CACNA1E: variants seen among roughly 807,000 people sequenced by gnomAD.
CACNA1E encodes the protein calcium voltage-gated channel subunit alpha1 E, also known as voltage-dependent R-type calcium channel subunit alpha-1E.
In CACNA1E, 40 loss-of-function variants were observed where a neutral mutation model predicts 259.2. That is an observed-to-expected ratio of 0.15 (90% confidence interval 0.12 to 0.20). CACNA1E has a LOEUF of 0.20. CACNA1E is among the 10% of genes least tolerant of loss of function. The pLI is 1.00. For synonymous variants in CACNA1E, 1,104 were observed against 1,138.5 expected (o/e 0.97, Z 0.61); for missense variants, 1,874 against 3,040.1 (o/e 0.62, Z 9.02).
At chr1:181,540,706 C>T (rs1668517136) in intron 3 of CACNA1E, among the ~76,000 whole-genome samples, 1 of 152,310 alleles carries the variant, frequency 6.6e-6, no homozygotes, top group African/African-American at 2.4e-5. Context: ...ATGGACCTCG[C>T]AAAGTCTCCC....
At chr1:181,477,828 C>G (rs1379464590) in intron 2 of CACNA1E, among the ~76,000 whole-genome samples, 1 of 152,190 alleles carries the variant, frequency 6.6e-6, no homozygotes, top group Non-Finnish European at 1.5e-5. Context: ...GTGCAAGGTA[C>G]TGATCTAAGA....
intron 2 of CACNA1E, among the ~76,000 whole-genome samples, chr1:181,434,453 G>A (rs1346847675): frequency 6.6e-6 from 1 of 151,008 alleles, no homozygotes; most frequent in Non-Finnish European, 1.5e-5. Flanking sequence ...ACAAGTGTCT[G>A]ATCTCATGGA....
At chr1:181,795,209 T>C in intron 46 of CACNA1E, among the ~76,000 whole-genome samples, 165 bp downstream of exon 46, 1 of 152,206 alleles carries the variant, frequency 6.6e-6, no homozygotes, top group Non-Finnish European at 1.5e-5. Context: ...CTGACTTACA[T>C]CCTGAAACAG....
chr1:181,410,938 G>A (rs1367061482), intron 1 of CACNA1E, among the ~76,000 whole-genome samples: 2 of 152,232 alleles, frequency 1.3e-5, no homozygotes, highest in African/African-American at 2.4e-5. Flanking sequence ...TTTCTGGGAG[G>A]ATGCCACCCT....
intron 25 of CACNA1E, among the ~76,000 whole-genome samples, chr1:181,741,277 C>G (rs1656546840): frequency 6.6e-6 from 1 of 152,194 alleles, no homozygotes; most frequent in East Asian, 1.9e-4. Flanking sequence ...ATCCCAGCCC[C>G]TCTACTTTCC....
rs1378877596 is a variant in CACNA1E, at chr1:181,736,388, G to A, written c.3376G>A (p.Ala1126Thr). Residue 1126 changes from alanine to threonine, a missense_variant, in exon 22 of 48, where the codon GCC becomes ACC. Coordinates refer to ENST00000367573, the MANE Select transcript of CACNA1E (RefSeq NM_001205293.3). ...QKKEKRETGK[A>T]MVPHSSMFIF... ...GAAGGAGAAGCGTGAGACAGGCAAA[G>A]CCATGGTGCCCCACAGCTCAATGTT... 15 of 1,612,516 alleles carry A rather than the reference G, an allele frequency of 9.3e-6. No individual in the cohort carries two copies. Among genetic ancestry groups the A allele is most frequent in the African/African-American group, 2.7e-5 (2 of 74,912 alleles).
chr1:181,577,634 G>A (rs1651103477), intron 3 of CACNA1E, 132 bp from the exon 4 acceptor site: 3 of 537,036 alleles, frequency 5.6e-6, no homozygotes, highest in Non-Finnish European at 1.0e-5. Flanking sequence ...CCAAGCTCAG[G>A]TGCACCCACA....
At chr1:181,358,507 G>T (rs528090280) in intron 1 of CACNA1E, among the ~76,000 whole-genome samples, 4 of 152,286 alleles carry the variant, frequency 2.6e-5, no homozygotes, top group East Asian at 3.9e-4. Context: ...TTGCAGGAGA[G>T]ATTTTATATT....
chr1:181,343,778 T>C (rs1401362417), intron 1 of CACNA1E, among the ~76,000 whole-genome samples: 1 of 152,100 alleles, frequency 6.6e-6, no homozygotes, highest in African/African-American at 2.4e-5. Flanking sequence ...TCCCATGACC[T>C]CTCTAAAGAG....
intron 1 of CACNA1E, among the ~76,000 whole-genome samples, chr1:181,343,014 G>A (rs1652287958): frequency 1.3e-5 from 2 of 152,066 alleles, no homozygotes; most frequent in African/African-American, 4.8e-5. Flanking sequence ...CAGGACAGGG[G>A]GTGGTATATT....
At chr1:181,793,556 A>C in intron 44 of CACNA1E, 109 bp from the exon 45 acceptor site, 1 of 1,180,810 alleles carries the variant, frequency 8.5e-7, no homozygotes, top group Non-Finnish European at 1.2e-6. Context: ...TTAAAGCTGC[A>C]AGTCTCTCTT....
At chr1:181,364,538 A>G (rs1654123193) in intron 1 of CACNA1E, among the ~76,000 whole-genome samples, 2 of 152,210 alleles carry the variant, frequency 1.3e-5, no homozygotes. Context: ...CAGAGATCTT[A>G]TACAGAAGAA....
At chr1:181,558,863 G>GT (rs1558125881) in intron 3 of CACNA1E, among the ~76,000 whole-genome samples, 1 of 152,096 alleles carries the variant, frequency 6.6e-6, no homozygotes, top group Non-Finnish European at 1.5e-5. Context: ...TTATGAGGAC[G>GT]TTGGCAGTAG....
At chr1:181,429,268 G>A (rs1659539344) in intron 2 of CACNA1E, among the ~76,000 whole-genome samples, 1 of 152,138 alleles carries the variant, frequency 6.6e-6, no homozygotes. Context: ...ACCTCTCTGG[G>A]CCCTTTTTAA....
chr1:181,751,945 A>G (rs1487735485), intron 26 of CACNA1E, 198 bp from the exon 27 acceptor site: 1 of 689,856 alleles, frequency 1.4e-6, no homozygotes, highest in Admixed American at 2.0e-5. Flanking sequence ...GCACACTGGG[A>G]AGTGATTTGA....
chr1:181,710,569 A>G (rs971492104), intron 7 of CACNA1E, among the ~76,000 whole-genome samples: 5 of 148,954 alleles, frequency 3.4e-5, no homozygotes, highest in African/African-American at 1.2e-4. Context: ...ATATACGTTA[A>G]TCACTATTGT....
At chr1:181,347,683 G>T (rs1652710166) in intron 1 of CACNA1E, among the ~76,000 whole-genome samples, 1 of 152,200 alleles carries the variant, frequency 6.6e-6, no homozygotes, top group Non-Finnish European at 1.5e-5. Context: ...CATTTGTGGG[G>T]CTTGTGACAG....
intron 2 of CACNA1E, among the ~76,000 whole-genome samples, chr1:181,457,229 T>G (rs962189293): frequency 6.6e-6 from 1 of 152,240 alleles, no homozygotes; most frequent in African/African-American, 2.4e-5. Flanking sequence ...CTTTGGGGCC[T>G]CTTTTAAAAG....
At chr1:181,760,314 C>A (rs557901031) in intron 32 of CACNA1E, among the ~76,000 whole-genome samples, 1 of 152,262 alleles carries the variant, frequency 6.6e-6, no homozygotes, top group African/African-American at 2.4e-5. Flanking sequence ...TAAAAGGTAC[C>A]ACTAATTCTG....
Sources: allele counts gnomAD v4.1 joint callset (sites outside exome capture counted in the v4.1 genomes callset), GRCh38; gene constraint gnomAD v4.1.1; transcripts MANE v1.5; gene names NCBI Gene and HGNC (gene_info 2026-07-23, HGNC 2026-07-21).